The following OR3A2 variants were observed in gnomAD, a reference collection of about 807,000 sequenced individuals.
OR3A2 encodes olfactory receptor 3A2.
For synonymous variants in OR3A2, 126 were observed against 159.3 expected (o/e 0.79, Z 1.57); for missense variants, 318 against 392.8 (o/e 0.81, Z 1.61).
At position 3,323,079 on chromosome 17, in the gene OR3A2, G is replaced by T. The variant is rs142190447; in HGVS notation, c.-85+12954C>A. Among the ~76,000 whole-genome samples, 554 of 152,236 alleles carry T rather than the reference G, an allele frequency of 3.6e-3. 4 individuals carry two copies. The highest frequency in any genetic ancestry group is 0.013 in the African/African-American group (536 of 41,536). ...CTGTATTGGGTGCATATATATTTAGGATAGTTAGCTCTTCTTGTTGAATTG... is the reference window on the plus strand; with the variant it reads ...CTGTATTGGGTGCATATATATTTAGTATAGTTAGCTCTTCTTGTTGAATTG... On this transcript the variant is annotated intron_variant, in intron 3 of 4. Transcript: ENST00000573491.
intron 3 of OR3A2, chr17:3,310,710 A>G (rs776618569): frequency 1.8e-6 from 1 of 546,300 alleles, no homozygotes; most frequent in Non-Finnish European, 3.7e-6. Context: ...CCAGTCCCTC[A>G]CCTACAGCAG....
chr17:3,325,398 T>C (rs1419068546), intron 3 of OR3A2, among the ~76,000 whole-genome samples: 1 of 151,784 alleles, frequency 6.6e-6, no homozygotes, highest in Non-Finnish European at 1.5e-5. Flanking sequence ...TTAGTAGAGA[T>C]GCGGTTTCAC....
intron 3 of OR3A2, chr17:3,292,460 C>A (rs770993472): frequency 6.2e-7 from 1 of 1,613,504 alleles, no homozygotes; most frequent in African/African-American, 1.3e-5. Flanking sequence ...TGCCCCTGAC[C>A]GTGACCAGGT....
At chr17:3,384,409 C>A (rs1332610151) in intron 1 of OR3A2, among the ~76,000 whole-genome samples, 2 of 152,186 alleles carry the variant, frequency 1.3e-5, no homozygotes, top group African/African-American at 4.8e-5. Flanking sequence ...TCTCTTCACT[C>A]CATGCCTCCT....
At chr17:3,295,277 G>A (rs774098322) in intron 3 of OR3A2, among the ~76,000 whole-genome samples, 12 of 151,888 alleles carry the variant, frequency 7.9e-5, no homozygotes, top group Non-Finnish European at 1.6e-4. Flanking sequence ...ACACAAATCA[G>A]TATAAAAGAA....
At chr17:3,341,876 T>C (rs1430869366) in intron 2 of OR3A2, among the ~76,000 whole-genome samples, 1 of 152,208 alleles carries the variant, frequency 6.6e-6, no homozygotes, top group East Asian at 1.9e-4. Flanking sequence ...CTTCGTTCCA[T>C]TTTCCACATC....
intron 1 of OR3A2, among the ~76,000 whole-genome samples, chr17:3,283,020 CTG>C (rs1491267870): frequency 2.7e-5 from 4 of 145,974 alleles, no homozygotes; most frequent in African/African-American, 7.9e-5. Flanking sequence ...CTCTCCTCTT[CTG>C]TCTCTTTCTC....
intron 2 of OR3A2, among the ~76,000 whole-genome samples, chr17:3,347,708 T>A (rs1332693311): frequency 1.3e-5 from 2 of 152,188 alleles, no homozygotes; most frequent in Non-Finnish European, 2.9e-5. Flanking sequence ...TAAACATACG[T>A]GTGCATGTGT....
chr17:3,288,266 G>GAAAAAAAAAAAAAAAAAAAAAAA (rs2048833668), upstream of OR3A2, among the ~76,000 whole-genome samples: 2 of 75,380 alleles, frequency 2.7e-5, no homozygotes, highest in Non-Finnish European at 5.9e-5. Flanking sequence ...AAAAAAAAAA[G>GAAAAAAAAAAAAAAAAAAAAAAA]ACAAAAAAAG....
chr17:3,285,528 C>G (rs959349795), upstream of OR3A2, among the ~76,000 whole-genome samples: 1 of 152,150 alleles, frequency 6.6e-6, no homozygotes, highest in Non-Finnish European at 1.5e-5. Flanking sequence ...GTGACTCAAA[C>G]TTGTAATCTT....
At chr17:3,308,241 A>G (rs2049012407) in intron 3 of OR3A2, among the ~76,000 whole-genome samples, 1 of 152,162 alleles carries the variant, frequency 6.6e-6, no homozygotes, top group South Asian at 2.1e-4. Flanking sequence ...CAGGGGAACA[A>G]TGAGGAGGAG....
intron 2 of OR3A2, among the ~76,000 whole-genome samples, chr17:3,349,714 A>G (rs1395267226): frequency 1.3e-5 from 2 of 150,824 alleles, no homozygotes; most frequent in Non-Finnish European, 3.0e-5. Flanking sequence ...TCCACCCCAA[A>G]TCAACAGAAT....
intron 2 of OR3A2, among the ~76,000 whole-genome samples, chr17:3,382,971 T>C (rs1471581642): frequency 6.6e-6 from 1 of 152,176 alleles, no homozygotes; most frequent in Non-Finnish European, 1.5e-5. Context: ...TAAAGGGGCA[T>C]GAATTGTACG....
At chr17:3,363,877 G>A (rs2049540504) in intron 2 of OR3A2, among the ~76,000 whole-genome samples, 2 of 152,164 alleles carry the variant, frequency 1.3e-5, no homozygotes, top group South Asian at 4.1e-4. Flanking sequence ...GAAAGAGAGA[G>A]AAAGAGTGAA....
At chr17:3,359,254 G>A (rs2049489246) in intron 2 of OR3A2, among the ~76,000 whole-genome samples, 1 of 151,492 alleles carries the variant, frequency 6.6e-6, no homozygotes, top group African/African-American at 2.4e-5. Context: ...TTTGAAGTGG[G>A]GCATTTAGCC....
At chr17:3,345,517 C>T (rs559069692) in intron 2 of OR3A2, among the ~76,000 whole-genome samples, 1 of 151,438 alleles carries the variant, frequency 6.6e-6, no homozygotes, top group South Asian at 2.1e-4. Context: ...TAATAAGCAG[C>T]CTTAGAAAGT....
intron 2 of OR3A2, among the ~76,000 whole-genome samples, chr17:3,338,932 T>C (rs925265016): frequency 6.6e-6 from 1 of 152,218 alleles, no homozygotes; most frequent in African/African-American, 2.4e-5. Context: ...TTCTGTCCTC[T>C]TTTATTTTGT....
intron 2 of OR3A2, among the ~76,000 whole-genome samples, chr17:3,370,954 GAT>G (rs985173729): frequency 2.0e-5 from 3 of 152,222 alleles, no homozygotes; most frequent in Admixed American, 2.0e-4. Flanking sequence ...TAGGGTCACA[GAT>G]CAACAGGATA....
chr17:3,354,134 AGTT>A (rs758406914), intron 2 of OR3A2, among the ~76,000 whole-genome samples: 20 of 151,898 alleles, frequency 1.3e-4, no homozygotes, highest in African/African-American at 3.1e-4. Context: ...ACTGGCCTGT[AGTT>A]GTTGTTGTTG....
Sources: gnomAD v4.1 joint callset for allele counts (sites outside exome capture counted in the v4.1 genomes callset) on GRCh38, gnomAD v4.1.1 for gene constraint, MANE v1.5 for transcripts, NCBI Gene and HGNC (gene_info 2026-07-23, HGNC 2026-07-21) for gene names.